Variants in ALDH1L1 observed in about 807,000 individuals in gnomAD.
ALDH1L1 encodes the protein cytosolic 10-formyltetrahydrofolate dehydrogenase.
A neutral mutation model predicts 101.1 loss-of-function variants in ALDH1L1; 68 were observed. The observed-to-expected ratio is 0.67, with a 90% CI of 0.55 to 0.82. The LOEUF (loss-of-function observed/expected upper bound fraction) is 0.82. Among genes scored for constraint, ALDH1L1 ranks in the 40% least tolerant of loss-of-function variants. The pLI is 0.00. For missense variants in ALDH1L1, 1,087 were observed against 1,172.7 expected, an observed-to-expected ratio of 0.93 and a Z score of 1.07; for synonymous variants, 486 against 470.8, an observed-to-expected ratio of 1.03 and a Z score of -0.42.
At chr3:126,173,957 A>C (rs554428650) in intron 1 of ALDH1L1, among the ~76,000 whole-genome samples, 1 of 152,376 alleles carries the variant, frequency 6.6e-6, no homozygotes, top group African/African-American at 2.4e-5. Context: ...TGTAAAGCAA[A>C]AACTGACAGA....
chr3:126,195,450 A>T (rs997747944), intron 1 of ALDH1L1, among the ~76,000 whole-genome samples: 2 of 152,248 alleles, frequency 1.3e-5, no homozygotes, highest in Non-Finnish European at 2.9e-5. Context: ...AAGAAGACCC[A>T]GTAGTTTCTC....
At chr3:126,123,465 C>G (rs62263536) in intron 16 of ALDH1L1, among the ~76,000 whole-genome samples, 15,371 of 151,924 alleles carry the variant, frequency 0.1, 807 homozygotes, top group East Asian at 0.17. Context: ...ACCATGTTGG[C>G]CAGGCTGGTC....
chr3:126,180,973 T>TCC (rs1156754449), upstream of ALDH1L1: 6 of 1,610,798 alleles, frequency 3.7e-6, no homozygotes, highest in Non-Finnish European at 5.1e-6. Flanking sequence ...TGCCATGTGC[T>TCC]ACGGACACAG....
At chr3:126,180,425 C>A in intron 1 of ALDH1L1, 51 bp downstream of exon 1, 1 of 987,262 alleles carries the variant, frequency 1.0e-6, no homozygotes, top group Non-Finnish European at 1.2e-6. Flanking sequence ...GCAGCCGGGG[C>A]AGCCTCCTTT....
chr3:126,191,592 G>A (rs1453007731), intron 1 of ALDH1L1, among the ~76,000 whole-genome samples: 1 of 152,232 alleles, frequency 6.6e-6, no homozygotes, highest in Non-Finnish European at 1.5e-5. Flanking sequence ...ACAATGGTGA[G>A]ATGGTTAAGG....
At chr3:126,120,058 G>C (rs1377601447) in intron 16 of ALDH1L1, among the ~76,000 whole-genome samples, 2 of 152,238 alleles carry the variant, frequency 1.3e-5, no homozygotes, top group Non-Finnish European at 2.9e-5. Context: ...CAGTCGGGAA[G>C]ACAGTTTAGC....
chr3:126,197,696 T>C (rs973703104), intron 1 of ALDH1L1: 5 of 152,164 alleles, frequency 3.3e-5, no homozygotes, highest in Non-Finnish European at 5.9e-5. Context: ...CCCCAGCCAT[T>C]CTGAGAGATC....
At chr3:126,146,651 T>A (rs1418166396) in intron 9 of ALDH1L1, among the ~76,000 whole-genome samples, 184 bp downstream of exon 9, 2 of 152,182 alleles carry the variant, frequency 1.3e-5, no homozygotes, top group Non-Finnish European at 2.9e-5. Flanking sequence ...CATAAAGACC[T>A]GCAACCATTC....
chr3:126,159,067 G>A (rs1363721284), intron 2 of ALDH1L1, among the ~76,000 whole-genome samples: 1 of 152,176 alleles, frequency 6.6e-6, no homozygotes, highest in Non-Finnish European at 1.5e-5. Context: ...AGGGCAACAG[G>A]GCATCCCCAC....
At chr3:126,164,056 G>A (rs1029197080) in intron 1 of ALDH1L1, among the ~76,000 whole-genome samples, 1 of 152,074 alleles carries the variant, frequency 6.6e-6, no homozygotes, top group Non-Finnish European at 1.5e-5. Context: ...ACTTGAGTCT[G>A]GGAGGTCTAG....
Position 126,146,589 on chromosome 3 carries a change from T to A in ALDH1L1, c.1076+246A>T, listed in dbSNP as rs557136429. On this transcript the variant is annotated intron_variant, in intron 9 of 22. Transcript: ENST00000393434. The stretch of plus-strand genomic sequence containing the variant: ...CTGAATCAACTCCTCCCAAATTCCC[T>A]CCTAGAACTTCCCCAGAGAGGCTGC... Among the ~76,000 whole-genome samples the A allele has an allele frequency of 1.6e-3, 244 of 152,192 alleles. 1 individual carries two copies. The highest frequency in any genetic ancestry group is 5.7e-3 in the African/African-American group (236 of 41,532).
chr3:126,117,894 G>A (rs2080003644), intron 17 of ALDH1L1, 111 bp downstream of exon 17: 1 of 1,086,224 alleles, frequency 9.2e-7, no homozygotes, highest in South Asian at 1.4e-5. Flanking sequence ...GGCCACGGAA[G>A]TGGCTGTGCC....
intron 13 of ALDH1L1, among the ~76,000 whole-genome samples, 166 bp downstream of exon 13, chr3:126,131,218 G>C (rs2080295520): frequency 6.6e-6 from 1 of 152,212 alleles, no homozygotes; most frequent in Admixed American, 6.5e-5. Flanking sequence ...AGCCTGCCTG[G>C]AATTCCCACC....
chr3:126,108,048 G>A (rs1945944917), intron 20 of ALDH1L1: 2 of 152,210 alleles, frequency 1.3e-5, no homozygotes, highest in Admixed American at 1.3e-4. Flanking sequence ...TTAATAAAAT[G>A]TTCAATATTT....
chr3:126,162,974 T>A (rs2081091648), intron 1 of ALDH1L1, among the ~76,000 whole-genome samples: 1 of 152,222 alleles, frequency 6.6e-6, no homozygotes, highest in African/African-American at 2.4e-5. Context: ...CATGTACACA[T>A]CTATCTTTGA....
intron 1 of ALDH1L1, among the ~76,000 whole-genome samples, chr3:126,176,017 T>G (rs2081358981): frequency 1.3e-5 from 2 of 152,180 alleles, no homozygotes; most frequent in African/African-American, 4.8e-5. Flanking sequence ...ATGGTTAATA[T>G]ACAAAAATTG....
At chr3:126,194,527 A>G (rs1032970922) in intron 1 of ALDH1L1, among the ~76,000 whole-genome samples, 5 of 152,226 alleles carry the variant, frequency 3.3e-5, no homozygotes, top group African/African-American at 1.2e-4. Flanking sequence ...ATCACCCTCT[A>G]CAATTTTTGT....
intron 1 of ALDH1L1, chr3:126,179,687 T>C (rs915617218): frequency 6.6e-6 from 1 of 152,202 alleles, no homozygotes; most frequent in Admixed American, 6.5e-5. Context: ...CAAGGAGAAG[T>C]GGAGGCGTGG....
At position 126,110,064 on chromosome 3, in the gene ALDH1L1, C is replaced by T. The variant is rs1946029877; in HGVS notation, c.2227G>A (p.Asp743Asn). The change falls in exon 20 of 23, where the codon GAC becomes AAC. Residue 743 changes from aspartate to asparagine, a missense_variant. Asp to Asn is a conservative substitution (Grantham distance 23, BLOSUM62 1). This residue lies in a region of ALDH1L1 where 442 missense variants were observed against 535.7 expected (regional missense o/e 0.83). Coordinates refer to ENST00000393434, the MANE Select transcript of ALDH1L1 (RefSeq NM_012190.4). ...KMKVGNPLDR[D>N]TDHGPQNHHA... ...TGATTCTGCGGCCCGTGGTCGGTGT[C>T]CCTGTCCAGCGGGTTGCCCACCTTC... 6.2e-7 allele frequency: 1 copy of T among 1,614,088 alleles called. No homozygotes were observed. Among genetic ancestry groups the T allele is most frequent in the African/African-American group, 1.3e-5 (1 of 74,930 alleles).
Sources: gnomAD v4.1 joint callset for allele counts (sites outside exome capture counted in the v4.1 genomes callset) on GRCh38, gnomAD v4.1.1 for gene constraint, gnomAD v4.1.1 regional missense constraint, MANE v1.5 for transcripts, NCBI Gene and HGNC (gene_info 2026-07-23, HGNC 2026-07-21) for gene names.